Variants in SGCE observed in about 807,000 individuals in gnomAD.
The protein encoded by SGCE is sarcoglycan epsilon.
SGCE carries 26 observed loss-of-function variants against 57.8 expected under a neutral mutation model. The ratio of observed to expected loss-of-function variants is 0.45; its 90% CI spans 0.33 to 0.62. The LOEUF is 0.62. Among genes scored for constraint, SGCE ranks in the 20% least tolerant of loss-of-function variants. The probability of loss-of-function intolerance (pLI) is 0.02; values close to 1 mark genes in which losing one functional copy is unlikely to be tolerated. For synonymous variants in SGCE, 183 were observed against 189.5 expected, an observed-to-expected ratio of 0.97 and a Z score of 0.28; for missense variants, 468 against 548.6, an observed-to-expected ratio of 0.85 and a Z score of 1.47.
intron 1 of SGCE, among the ~76,000 whole-genome samples, chr7:94,636,866 C>T (rs1562880435): frequency 6.6e-6 from 1 of 152,082 alleles, no homozygotes; most frequent in Non-Finnish European, 1.5e-5. Flanking sequence ...GAGTTCAAGA[C>T]CAGCCTGGCC....
At chr7:94,635,885 A>G (rs1805534590) in intron 1 of SGCE, among the ~76,000 whole-genome samples, 1 of 152,088 alleles carries the variant, frequency 6.6e-6, no homozygotes, top group South Asian at 2.1e-4. Context: ...TTCACTCAAC[A>G]TCAAAGTACT....
chr7:94,592,829 A>C (rs921312371), intron 9 of SGCE, among the ~76,000 whole-genome samples: 5 of 152,170 alleles, frequency 3.3e-5, no homozygotes, highest in African/African-American at 7.2e-5. Flanking sequence ...GATTTGCATA[A>C]AGCCACAGAA....
At chr7:94,630,470 A>T (rs1045404939) in intron 1 of SGCE, among the ~76,000 whole-genome samples, 1 of 151,906 alleles carries the variant, frequency 6.6e-6, no homozygotes, top group Non-Finnish European at 1.5e-5. Context: ...TAATTCAAAC[A>T]ATATAATCTA....
At chr7:94,603,863 T>C (rs1320282904) in intron 5 of SGCE, among the ~76,000 whole-genome samples, 1 of 152,150 alleles carries the variant, frequency 6.6e-6, no homozygotes, top group East Asian at 1.9e-4. Context: ...AATAACTAAG[T>C]AATACATTTC....
intron 9 of SGCE, among the ~76,000 whole-genome samples, chr7:94,595,478 T>C (rs1303738392): frequency 2.0e-5 from 3 of 152,132 alleles, no homozygotes; most frequent in Admixed American, 6.6e-5. Context: ...TCAGTACACT[T>C]AGTATGAATG....
intron 4 of SGCE, 116 bp downstream of exon 4, chr7:94,623,209 A>G: frequency 1.6e-6 from 1 of 606,546 alleles, no homozygotes; most frequent in Non-Finnish European, 2.9e-6. Context: ...TTATTATTTC[A>G]TCAGTTATAT....
rs114146510 is a variant in SGCE, at chr7:94,635,737, C to G, written c.110-5896G>C. Among the ~76,000 whole-genome samples, 672 of 152,296 alleles carry G rather than the reference C, an allele frequency of 4.4e-3. 4 individuals carry two copies. Among genetic ancestry groups the G allele is most frequent in the African/African-American group, 0.015 (634 of 41,570 alleles). On this transcript the variant is annotated intron_variant, in intron 1 of 10. Coordinates refer to ENST00000648936, the MANE Select transcript of SGCE (RefSeq NM_003919.3). ...TGTAGAGAAATATTTTAAGAGAGAT[C>G]AATATCCAGCCAGTTAGACAACCTG...
chr7:94,596,203 T>C (rs1483013963), intron 9 of SGCE, among the ~76,000 whole-genome samples: 2 of 152,120 alleles, frequency 1.3e-5, no homozygotes, highest in South Asian at 4.1e-4. Context: ...GAAAGATCCA[T>C]TTGGTGTAAA....
intron 9 of SGCE, among the ~76,000 whole-genome samples, chr7:94,591,630 C>T (rs1216004666): frequency 6.6e-6 from 1 of 151,444 alleles, no homozygotes; most frequent in Non-Finnish European, 1.5e-5. Flanking sequence ...ATGCCCCCCA[C>T]TTCTCTTGTT....
intron 1 of SGCE, among the ~76,000 whole-genome samples, chr7:94,641,385 T>C (rs1806356466): frequency 6.6e-6 from 1 of 152,148 alleles, no homozygotes; most frequent in South Asian, 2.1e-4. Flanking sequence ...GATCAAATGA[T>C]AGACTGAAGA....
intron 5 of SGCE, among the ~76,000 whole-genome samples, chr7:94,615,886 T>C (rs908523119): frequency 6.6e-6 from 1 of 152,204 alleles, no homozygotes; most frequent in Non-Finnish European, 1.5e-5. Flanking sequence ...CCACAAGGCC[T>C]TAGCCTCTGG....
intron 1 of SGCE, among the ~76,000 whole-genome samples, chr7:94,634,868 A>G (rs1005908058): frequency 6.6e-6 from 1 of 152,230 alleles, no homozygotes; most frequent in South Asian, 2.1e-4. Context: ...TACAATTGAA[A>G]GTCTTAATTC....
At chr7:94,651,941 T>A (rs1012223867) in intron 1 of SGCE, among the ~76,000 whole-genome samples, 1 of 152,116 alleles carries the variant, frequency 6.6e-6, no homozygotes, top group Non-Finnish European at 1.5e-5. Flanking sequence ...TTTATTATTT[T>A]TTTTTTTTGT....
chr7:94,611,298 A>G (rs1800983625), intron 5 of SGCE, among the ~76,000 whole-genome samples: 1 of 152,222 alleles, frequency 6.6e-6, no homozygotes. Flanking sequence ...CATAAAATAG[A>G]ATATTATTCC....
intron 8 of SGCE, 34 bp downstream of exon 8, chr7:94,599,660 AAAT>A: frequency 6.3e-7 from 1 of 1,594,124 alleles, no homozygotes; most frequent in Middle Eastern, 1.7e-4. Context: ...AGGTGGGAAA[AAAT>A]GATGAAGAAA....
intron 7 of SGCE, chr7:94,600,293 A>AT (rs1183581084): frequency 1.2e-5 from 3 of 240,970 alleles, no homozygotes; most frequent in Non-Finnish European, 2.4e-5. Flanking sequence ...AACTAACACA[A>AT]TTTTTTTAAG....
intron 1 of SGCE, among the ~76,000 whole-genome samples, chr7:94,650,599 G>GA (rs71528093): frequency 0.13 from 19,418 of 152,086 alleles, 1,494 homozygotes; most frequent in South Asian, 0.25. Context: ...CAGTTTATCA[G>GA]AAAAATAAAA....
chr7:94,601,488 G>C (rs1359405026), intron 6 of SGCE, among the ~76,000 whole-genome samples: 2 of 126,034 alleles, frequency 1.6e-5, no homozygotes, highest in Non-Finnish European at 3.2e-5. Flanking sequence ...TACAACAGTT[G>C]CACTATGTTA....
chr7:94,600,543 C>G (rs1054581064), intron 7 of SGCE, 103 bp downstream of exon 7: 1 of 796,376 alleles, frequency 1.3e-6, no homozygotes. Flanking sequence ...AATTCATTTA[C>G]AAAGTGTTTT....
Sources: gnomAD v4.1 joint callset for allele counts (sites outside exome capture counted in the v4.1 genomes callset) on GRCh38, gnomAD v4.1.1 for gene constraint, MANE v1.5 for transcripts, NCBI Gene and HGNC (gene_info 2026-07-23, HGNC 2026-07-21) for gene names.